The following DAZL variants were observed in gnomAD, a reference collection of about 807,000 sequenced individuals.
DAZL encodes the protein deleted in azoospermia like.
DAZL carries 4 observed loss-of-function variants against 45.0 expected under a neutral mutation model. The observed-to-expected ratio is 0.09, with a 90% confidence interval of 0.04 to 0.20. The LOEUF (loss-of-function observed/expected upper bound fraction) is 0.20. Among genes scored for constraint, DAZL ranks in the 10% least tolerant of loss-of-function variants. The pLI, the probability that DAZL is intolerant of heterozygous loss-of-function variation, is 1.00. For synonymous variants in DAZL, 122 were observed against 112.4 expected (o/e 1.09, Z -0.54); for missense variants, 326 against 351.3 (o/e 0.93, Z 0.58).
chr3:16,590,251 TTAAG>T (rs894773443), intron 10 of DAZL, among the ~76,000 whole-genome samples: 9 of 150,774 alleles, frequency 6.0e-5, no homozygotes, highest in African/African-American at 2.2e-4. Context: ...AATGTCAACT[TTAAG>T]TATGTTTACT....
intron 10 of DAZL, among the ~76,000 whole-genome samples, chr3:16,589,410 T>C (rs1349021815): frequency 6.6e-6 from 1 of 152,128 alleles, no homozygotes; most frequent in Non-Finnish European, 1.5e-5. Flanking sequence ...CACTGTCATA[T>C]AAATAAAAGT....
At chr3:16,589,503 C>CT (rs926395896) in intron 10 of DAZL, among the ~76,000 whole-genome samples, 1 of 152,142 alleles carries the variant, frequency 6.6e-6, no homozygotes, top group African/African-American at 2.4e-5. Context: ...CAACATGTAT[C>CT]TTCACAGGTC....
intron 6 of DAZL, 148 bp downstream of exon 6, chr3:16,596,602 A>G: frequency 1.1e-6 from 1 of 871,476 alleles, no homozygotes; most frequent in South Asian, 1.7e-5. Flanking sequence ...AAGAATAAGA[A>G]ATTTCTAACA....
At chr3:16,602,561 A>G (rs1694708219) in intron 1 of DAZL, among the ~76,000 whole-genome samples, 2 of 152,206 alleles carry the variant, frequency 1.3e-5, no homozygotes, top group South Asian at 4.1e-4. Context: ...CAAAGCTAAC[A>G]GCATATAAGT....
chr3:16,598,251 C>T (rs1365144365), intron 2 of DAZL, 73 bp from the exon 3 acceptor site: 17 of 1,438,618 alleles, frequency 1.2e-5, no homozygotes, highest in Middle Eastern at 3.5e-4. Flanking sequence ...AAAGAAGGTT[C>T]GATGATGTGA....
At chr3:16,602,627 A>T (rs1694709470) in intron 1 of DAZL, among the ~76,000 whole-genome samples, 1 of 152,230 alleles carries the variant, frequency 6.6e-6, no homozygotes, top group Non-Finnish European at 1.5e-5. Flanking sequence ...GCAAAATTCC[A>T]GCAGTATATA....
chr3:16,591,143 G>A (rs1694511674), intron 10 of DAZL, among the ~76,000 whole-genome samples: 1 of 152,020 alleles, frequency 6.6e-6, no homozygotes, highest in Admixed American at 6.6e-5. Flanking sequence ...GAACTACAGG[G>A]ACCCAGAAAC....
At chr3:16,604,735 A>G in intron 1 of DAZL, 2 of 1,350,668 alleles carry the variant, frequency 1.5e-6, no homozygotes, top group Non-Finnish European at 1.9e-6. Context: ...CATCTTGCGG[A>G]GCCACGGGGA....
intron 8 of DAZL, among the ~76,000 whole-genome samples, chr3:16,594,269 T>G (rs1313574939): frequency 1.3e-5 from 2 of 152,168 alleles, no homozygotes; most frequent in East Asian, 3.9e-4. Context: ...AATTATATAG[T>G]CTATCAACAA....
chr3:16,596,971 T>C lies in DAZL; in HGVS notation c.358+17A>G, dbSNP rs1694609941. 6.2e-7 allele frequency: 1 copy of C among 1,612,632 alleles called. No individual in the cohort carries two copies. The highest frequency in any genetic ancestry group is 1.3e-5 in the African/African-American group (1 of 74,878). ...TTTCTTTTATGTTTAAAAAGAACAA[T>C]TTCTTTTTGTACTCACATAAATTTT... On this transcript the variant is annotated intron_variant, in intron 5 of 10. Coordinates refer to ENST00000399444, the MANE Select transcript of DAZL (RefSeq NM_001351.4).
At chr3:16,594,983 C>T (rs1694575887) in intron 7 of DAZL, among the ~76,000 whole-genome samples, 1 of 152,070 alleles carries the variant, frequency 6.6e-6, no homozygotes. Context: ...TTTTATTTCA[C>T]TCTATCTCCC....
chr3:16,594,358 C>G (rs926874815), intron 8 of DAZL, among the ~76,000 whole-genome samples, 175 bp downstream of exon 8: 1 of 151,898 alleles, frequency 6.6e-6, no homozygotes, highest in African/African-American at 2.4e-5. Flanking sequence ...CACTGTTGCT[C>G]CCATGGGAGT....
Position 16,592,105 on chromosome 3 carries a change from A to G in DAZL, c.779T>C (p.Phe260Ser). 5 of 1,613,878 alleles carry G rather than the reference A, an allele frequency of 3.1e-6. No individual in the cohort carries two copies. Among genetic ancestry groups the G allele is most frequent in the Non-Finnish European group, 3.4e-6 (4 of 1,179,888 alleles). Reference protein sequence around the residue: ...RSIQTVVSCLFNPENRLRNSV... With the variant: ...RSIQTVVSCLSNPENRLRNSV... Reference sequence around the variant, plus strand: ...GTTTCTCAGTCTGTTCTCTGGATTAAACAGACAAGATACCACCGTTTGTAT... The same window carrying G: ...GTTTCTCAGTCTGTTCTCTGGATTAGACAGACAAGATACCACCGTTTGTAT... The change falls in exon 10 of 11, where the codon TTT (phenylalanine) becomes TCT (serine). Residue 260 changes from phenylalanine (F) to serine (S), a missense_variant. By Grantham distance (155) the Phe-to-Ser change is radical (BLOSUM62 -2). This residue lies in a region of DAZL where 227 missense variants were observed against 216.6 expected (regional missense o/e 1.05). Transcript: ENST00000399444.
rs544460512 is a variant in DAZL at position 16,594,533 on chromosome 3, C to A, written c.621G>T (p.Pro207=). The A allele has an allele frequency of 6.3e-7, 1 of 1,587,940 alleles. No individual in the cohort carries two copies. Among genetic ancestry groups the A allele is most frequent in the Non-Finnish European group, 8.6e-7 (1 of 1,168,006 alleles). Residue 207 remains proline, a splice_region_variant and synonymous_variant, in exon 8 of 11, where the codon CCG becomes CCT. Coordinates refer to ENST00000399444, the MANE Select transcript of DAZL (RefSeq NM_001351.4). The stretch of plus-strand genomic sequence containing the variant: ...TATATGTTTGGCTAATTCACTTTAC[C>A]GGAGGTACAACATAGCTCCTTTGCT... The part of the protein sequence containing the change: ...VGEQRSYVVP[P]AYSAVNYHCN...
intron 1 of DAZL, among the ~76,000 whole-genome samples, chr3:16,599,255 T>C (rs78014986): frequency 0.016 from 2,444 of 152,078 alleles, 72 homozygotes; most frequent in African/African-American, 0.056. Context: ...TCCTGTTCTA[T>C]ATTCATAAAC....
In DAZL at chr3:16,594,586, T is replaced by TAAA. The variant is rs35729175; in HGVS notation, c.571-6_571-4dup. The TAAA allele has an allele frequency of 1.7e-4, 241 of 1,377,998 alleles. No individual in the cohort carries two copies. The highest frequency in any genetic ancestry group is 5.1e-4 in the South Asian group (35 of 68,896). The allele number at this position is 1,377,998 out of a possible 1,614,324, so 85.4% of individuals were successfully genotyped here. ...CCAACAGGCCACTGTGGTGGCATCT[T>TAAA]AAAAAAAAAAAAAAGGAAACCAAAA... On this transcript the variant is annotated splice_region_variant and splice_polypyrimidine_tract_variant and intron_variant, in intron 7 of 10. Transcript: ENST00000399444.
rs1044883754 is a variant in DAZL, at chr3:16,596,797, A to G, written c.451T>C (p.Tyr151His). 6.2e-7 allele frequency: 1 copy of G among 1,613,736 alleles called. No homozygotes were observed. Among genetic ancestry groups the G allele is most frequent in the South Asian group, 1.1e-5 (1 of 91,078 alleles). ...NVWTNPNTET[Y>H]MQPTTTMNPI... ...TTCATCGTGGTTGTGGGCTGCATAT[A>G]AGTTTCAGTGTTTGGATTAGTCCAG... The change falls in exon 6 of 11, where the codon TAT becomes CAT. Residue 151 changes from tyrosine to histidine, a missense_variant. By Grantham distance (83) the Tyr-to-His change is moderately conservative (BLOSUM62 2). Around this residue, in one of 3 missense-constraint regions of DAZL, gnomAD observed 227 missense variants for 216.6 expected, o/e 1.05. Transcript: ENST00000399444.
At position 16,588,685 on chromosome 3, in the gene DAZL, C is replaced by G; in HGVS notation, c.863G>C (p.Ser288Thr). The change falls in exon 11 of 11, where the codon AGT (serine) becomes ACT (threonine). Residue 288 changes from serine to threonine, a missense_variant. Ser to Thr is a moderately conservative substitution (Grantham distance 58, BLOSUM62 1). Coordinates refer to ENST00000399444, the MANE Select transcript of DAZL (RefSeq NM_001351.4). ...KDKRVHHFRR[S>T]RAMLKSV ...TCAAACAGATTTAAGCATTGCCCGA[C>G]TTCTTCTAAAGTGATGCACTCTTTT... 6.2e-7 allele frequency: 1 copy of G among 1,611,900 alleles called. No homozygotes were observed. The highest frequency in any genetic ancestry group is 8.5e-7 in the Non-Finnish European group (1 of 1,178,350).
At position 16,598,629 on chromosome 3, in the gene DAZL, G is replaced by C. The variant is rs1287344354; in HGVS notation, c.4-31C>G. ...ATTTGGAAAGTAGACATCATAATTAGATACACAGGAAAAACCTATACATAA... is the reference window on the plus strand; with the variant it reads ...ATTTGGAAAGTAGACATCATAATTACATACACAGGAAAAACCTATACATAA... On this transcript the variant is annotated intron_variant, in intron 1 of 10. Coordinates refer to ENST00000399444, the MANE Select transcript of DAZL (RefSeq NM_001351.4). The C allele has an allele frequency of 3.2e-6, 5 of 1,580,602 alleles. No homozygotes were observed. In the South Asian group the frequency reaches 3.3e-5, roughly 10 times the overall value.
Sources: gnomAD v4.1 joint callset for allele counts (sites outside exome capture counted in the v4.1 genomes callset) on GRCh38, gnomAD v4.1.1 for gene constraint, gnomAD v4.1.1 regional missense constraint, MANE v1.5 for transcripts, NCBI Gene and HGNC (gene_info 2026-07-23, HGNC 2026-07-21) for gene names.